Variants in ADAM28 observed in about 807,000 individuals in gnomAD.
ADAM28 encodes ADAM metallopeptidase domain 28.
A neutral mutation model predicts 101.2 loss-of-function variants in ADAM28; 105 were observed. That is an observed-to-expected ratio of 1.04 (90% CI 0.89 to 1.22). The LOEUF (loss-of-function observed/expected upper bound fraction) is 1.22, where lower values mean the gene tolerates loss of function less well. ADAM28 is among the 50% of genes most tolerant of loss of function. The pLI is 0.00. For synonymous variants in ADAM28, 322 were observed against 310.6 expected, an observed-to-expected ratio of 1.04 and a Z score of -0.39; for missense variants, 1,028 against 945.4, an observed-to-expected ratio of 1.09 and a Z score of -1.15.
chr8:24,350,481 T>G (rs11135795), intron 19 of ADAM28, among the ~76,000 whole-genome samples: 3 of 151,814 alleles, frequency 2.0e-5, no homozygotes, highest in Non-Finnish European at 4.4e-5. Flanking sequence ...CGGGTTATTT[T>G]TGTATTTTTA....
rs1295959295 is a variant in ADAM28 at position 24,355,925 on chromosome 8, G to GT, written c.*1522dup. 6.6e-6 allele frequency: 1 copy of GT among 152,100 alleles called. No homozygotes were observed. The highest frequency in any genetic ancestry group is 1.5e-5 in the Non-Finnish European group (1 of 68,032). The allele number at this position is 152,100 out of a possible 1,614,324, so 9.4% of individuals were successfully genotyped here. A position where few individuals can be genotyped will look rare whatever the true frequency, so the allele number is the denominator to read the frequency against. On this transcript the variant is annotated 3_prime_UTR_variant, in exon 23 of 23. Coordinates refer to ENST00000265769, the MANE Select transcript of ADAM28 (RefSeq NM_014265.6). ...CATCATCACAGCTACAGTTTTTCTT[G>GT]TATTTGTCTGCTTCACCCATTTCTA...
chr8:24,311,813 A>G (rs1452772542), intron 5 of ADAM28, among the ~76,000 whole-genome samples: 1 of 152,088 alleles, frequency 6.6e-6, no homozygotes, highest in Non-Finnish European at 1.5e-5. Context: ...ATTTCAGCTC[A>G]CTGCAATCTC....
chr8:24,351,102 C>T, intron 19 of ADAM28, 130 bp from the exon 20 acceptor site: 1 of 605,616 alleles, frequency 1.7e-6, no homozygotes, highest in Non-Finnish European at 2.7e-6. Flanking sequence ...ACCCAGGGAG[C>T]AGATAAAAAC....
chr8:24,311,506 A>G (rs1810456448), intron 5 of ADAM28, 69 bp downstream of exon 5: 1 of 1,223,374 alleles, frequency 8.2e-7, no homozygotes. Flanking sequence ...AACCAACCAG[A>G]TGAATCCCAA....
intron 2 of ADAM28, among the ~76,000 whole-genome samples, chr8:24,301,333 T>C (rs1455040305): frequency 6.6e-6 from 1 of 152,214 alleles, no homozygotes; most frequent in East Asian, 1.9e-4. Flanking sequence ...TAAGACTTTC[T>C]TTAAAATGTC....
At chr8:24,336,039 GGTGTGTGT>G (rs71212527) in intron 14 of ADAM28, 25 of 851,852 alleles carry the variant, frequency 2.9e-5, no homozygotes, top group Non-Finnish European at 3.4e-5. Context: ...TGTGTGTGCG[GGTGTGTGT>G]GTGTGTGTGT....
At chr8:24,317,355 A>G (rs904141878) in intron 6 of ADAM28, among the ~76,000 whole-genome samples, 8 of 152,070 alleles carry the variant, frequency 5.3e-5, no homozygotes, top group Admixed American at 6.6e-5. Flanking sequence ...AGTGGATGAG[A>G]ATAGCAATCT....
At chr8:24,316,628 A>G (rs566398714) in intron 6 of ADAM28, among the ~76,000 whole-genome samples, 18 of 152,174 alleles carry the variant, frequency 1.2e-4, no homozygotes, top group African/African-American at 3.6e-4. Context: ...CGCTGATAAC[A>G]TCATAATCAA....
At chr8:24,343,704 G>A (rs1378661065) in intron 18 of ADAM28, 120 bp downstream of exon 18, 3 of 854,934 alleles carry the variant, frequency 3.5e-6, no homozygotes, top group Non-Finnish European at 5.5e-6. Context: ...TTCTGTTGAT[G>A]TTGAATCCAC....
chr8:24,301,480 G>GAAA (rs200888452), intron 2 of ADAM28, among the ~76,000 whole-genome samples: 2 of 149,486 alleles, frequency 1.3e-5, no homozygotes, highest in Non-Finnish European at 3.0e-5. Context: ...ATAAAAGTTG[G>GAAA]AAAAAAAAAT....
At chr8:24,301,135 C>T (rs982885597) in intron 2 of ADAM28, among the ~76,000 whole-genome samples, 2 of 152,182 alleles carry the variant, frequency 1.3e-5, no homozygotes, top group Non-Finnish European at 2.9e-5. Flanking sequence ...ATCCAGCACA[C>T]TCGGTGCACA....
chr8:24,326,436 T>A, intron 9 of ADAM28, 118 bp from the exon 10 acceptor site: 2 of 874,054 alleles, frequency 2.3e-6, no homozygotes, highest in Non-Finnish European at 3.4e-6. Context: ...AAGAAAAATA[T>A]GACAGTGATG....
At chr8:24,304,083 C>T (rs903446117) in intron 2 of ADAM28, among the ~76,000 whole-genome samples, 4 of 151,468 alleles carry the variant, frequency 2.6e-5, no homozygotes, top group Non-Finnish European at 4.4e-5. Context: ...TTTCACTGAA[C>T]ATTTTGAGGA....
In ADAM28 at chr8:24,316,532, A is replaced by G. The variant is rs148044045; in HGVS notation, c.576+2952A>G. ...CTGGAATGATGTGAAACTCTAAAATATGTCTCAGCCCAAGCATTAAGGTTT... is the reference window on the plus strand; with the variant it reads ...CTGGAATGATGTGAAACTCTAAAATGTGTCTCAGCCCAAGCATTAAGGTTT... On this transcript the variant is annotated intron_variant, in intron 6 of 22. Transcript: ENST00000265769. 3.2e-3 allele frequency among the ~76,000 whole-genome samples: 494 copies of G among 152,160 alleles called. 3 individuals are homozygous for G. Among genetic ancestry groups the G allele is most frequent in the African/African-American group, 0.011 (458 of 41,564 alleles).
At chr8:24,320,097 A>C (rs1258677669) in intron 6 of ADAM28, 139 bp from the exon 7 acceptor site, 3 of 618,282 alleles carry the variant, frequency 4.9e-6, no homozygotes, top group African/African-American at 1.9e-5. Context: ...CTGTCGGTTG[A>C]ATTGGTGTTA....
chr8:24,316,130 T>A lies in ADAM28; in HGVS notation c.576+2550T>A, dbSNP rs184762482. 9.9e-5 allele frequency among the ~76,000 whole-genome samples: 15 copies of A among 151,888 alleles called. No homozygotes were observed. The East Asian group carries it at 2.9e-3, about 29-fold the overall frequency. ...CAGTCAAATATACCTTATTTTATTC[T>A]CATAAAATGCTACAAATTATCTTGA... On this transcript the variant is annotated intron_variant, in intron 6 of 22. Coordinates refer to ENST00000265769, the MANE Select transcript of ADAM28 (RefSeq NM_014265.6).
At chr8:24,328,048 G>T (rs1812860873) in intron 10 of ADAM28, among the ~76,000 whole-genome samples, 1 of 151,780 alleles carries the variant, frequency 6.6e-6, no homozygotes, top group Non-Finnish European at 1.5e-5. Flanking sequence ...TTGTACCTGT[G>T]AACTTAAAAT....
At chr8:24,304,061 C>G (rs984077489) in intron 2 of ADAM28, among the ~76,000 whole-genome samples, 3 of 151,486 alleles carry the variant, frequency 2.0e-5, no homozygotes, top group Non-Finnish European at 4.4e-5. Flanking sequence ...ACGTGCACAC[C>G]AAACACCCTT....
intron 9 of ADAM28, among the ~76,000 whole-genome samples, chr8:24,325,357 A>G (rs143487153): frequency 6.6e-6 from 1 of 152,172 alleles, no homozygotes; most frequent in East Asian, 1.9e-4. Context: ...TATGCAATTA[A>G]TGTCTTACCA....
Sources: gnomAD v4.1 joint callset for allele counts (sites outside exome capture counted in the v4.1 genomes callset) on GRCh38, gnomAD v4.1.1 for gene constraint, MANE v1.5 for transcripts, NCBI Gene and HGNC (gene_info 2026-07-23, HGNC 2026-07-21) for gene names.